Variants in RYR2 observed in about 807,000 individuals in gnomAD.
The protein encoded by RYR2 is cardiac muscle ryanodine receptor-calcium release channel.
In RYR2, 227 loss-of-function variants were observed where a neutral mutation model predicts 601.1. That is an observed-to-expected ratio of 0.38 (90% CI 0.34 to 0.42). The LOEUF (loss-of-function observed/expected upper bound fraction) is 0.42, where lower values mean the gene tolerates loss of function less well. RYR2 is among the 10% of genes least tolerant of loss of function. RYR2 has a pLI of 1.00. For synonymous variants in RYR2, 2,223 were observed against 2,175.1 expected, an observed-to-expected ratio of 1.02 and a Z score of -0.61; for missense variants, 4,646 against 6,156.5, an observed-to-expected ratio of 0.75 and a Z score of 8.21.
intron 1 of RYR2, among the ~76,000 whole-genome samples, chr1:237,155,117 A>G (rs959407299): frequency 6.6e-6 from 1 of 151,966 alleles, no homozygotes; most frequent in African/African-American, 2.4e-5. Context: ...GAAGTGAAAT[A>G]AATTAATACA....
intron 1 of RYR2, among the ~76,000 whole-genome samples, chr1:237,120,344 C>G (rs951985644): frequency 2.0e-5 from 3 of 152,284 alleles, no homozygotes; most frequent in African/African-American, 7.2e-5. Flanking sequence ...TGAATTCCAA[C>G]AATTCTGGAC....
At chr1:237,123,574 G>A (rs1671052370) in intron 1 of RYR2, among the ~76,000 whole-genome samples, 1 of 151,850 alleles carries the variant, frequency 6.6e-6, no homozygotes, top group Admixed American at 6.6e-5. Context: ...GTGACAGAGT[G>A]GGGCCCTCTC....
intron 75 of RYR2, 36 bp from the exon 76 acceptor site, chr1:237,727,051 G>A (rs772949102): frequency 1.5e-5 from 15 of 1,013,602 alleles, no homozygotes; most frequent in Middle Eastern, 2.0e-4. Context: ...AAGGTAGTTT[G>A]GGGTGTAAAT....
intron 25 of RYR2, among the ~76,000 whole-genome samples, chr1:237,536,826 C>A (rs1174144319): frequency 2.0e-5 from 3 of 150,822 alleles, no homozygotes; most frequent in Non-Finnish European, 4.4e-5. Context: ...GCGGAGCTTG[C>A]AGTGAGCCGA....
intron 1 of RYR2, among the ~76,000 whole-genome samples, chr1:237,244,895 C>CA (rs1686639479): frequency 6.6e-6 from 1 of 152,074 alleles, no homozygotes; most frequent in Non-Finnish European, 1.5e-5. Flanking sequence ...GTGTTTATTT[C>CA]CTAAAGTCCA....
chr1:237,566,617 C>T lies in RYR2; in HGVS notation c.3265C>T (p.Arg1089Cys), dbSNP rs879255350. 6.8e-6 allele frequency: 11 copies of T among 1,613,968 alleles called. No individual in the cohort carries two copies. Among genetic ancestry groups the T allele is most frequent in the Admixed American group, 1.7e-5 (1 of 60,020 alleles). The change falls in exon 28 of 105, where the codon CGT becomes TGT. Residue 1089 changes from arginine to cysteine, a missense_variant. Arg to Cys is a radical substitution (Grantham distance 180). Coordinates refer to ENST00000366574, the MANE Select transcript of RYR2 (RefSeq NM_001035.3). ...SGTGERFRIFRAEKTYAVKAG... is the reference protein window; with the variant it reads ...SGTGERFRIFCAEKTYAVKAG... ...CACCGGGGAAAGGTTCCGAATCTTCCGTGCCGAGAAGACCTATGCAGTGAA... is the reference window on the plus strand; with the variant it reads ...CACCGGGGAAAGGTTCCGAATCTTCTGTGCCGAGAAGACCTATGCAGTGAA...
At chr1:237,758,769 G>A (rs1693166871) in intron 82 of RYR2, among the ~76,000 whole-genome samples, 1 of 152,128 alleles carries the variant, frequency 6.6e-6, no homozygotes, top group African/African-American at 2.4e-5. Context: ...CTTTGAGCAT[G>A]CTTTCTATCA....
rs777133390 is a variant in RYR2, at chr1:237,631,418, C to G, written c.6441-9C>G. On this transcript the variant is annotated splice_polypyrimidine_tract_variant and intron_variant, in intron 41 of 104. Coordinates refer to ENST00000366574, the MANE Select transcript of RYR2 (RefSeq NM_001035.3). ...GAGCTTTACCCCATACGTCCATTGT[C>G]CTTTCTAGGGATATTATGAATAACA... 2.5e-6 allele frequency: 4 copies of G among 1,578,612 alleles called. No homozygotes were observed. The highest frequency in any genetic ancestry group is 3.3e-4 in the Middle Eastern group (2 of 5,974).
Position 237,127,592 on chromosome 1 carries a change from G to T in RYR2, c.48+85023G>T, listed in dbSNP as rs527546104. On this transcript the variant is annotated intron_variant, in intron 1 of 104. Transcript: ENST00000366574. ...CCCCCCCACCTCCCTCCCGGACGGG[G>T]TGGCTGCCGGGCGGAGACGCTCCTC... Among the ~76,000 whole-genome samples the T allele has an allele frequency of 3.2e-3, 491 of 151,964 alleles. 3 individuals carry two copies. The highest frequency in any genetic ancestry group is 0.01 in the African/African-American group (435 of 41,488).
At chr1:237,798,206 A>T (rs1225201600) in intron 97 of RYR2, 36 bp downstream of exon 97, 3 of 1,577,038 alleles carry the variant, frequency 1.9e-6, no homozygotes, top group Non-Finnish European at 2.6e-6. Context: ...ACAGACTTAG[A>T]TTGAAAGGGG....
At chr1:237,598,808 A>G (rs984079580) in intron 34 of RYR2, among the ~76,000 whole-genome samples, 4 of 152,186 alleles carry the variant, frequency 2.6e-5, no homozygotes, top group African/African-American at 9.6e-5. Context: ...AAAAATTGGA[A>G]CAATAACGAA....
chr1:237,523,709 C>T (rs1667308981), intron 24 of RYR2, among the ~76,000 whole-genome samples: 1 of 150,920 alleles, frequency 6.6e-6, no homozygotes, highest in Admixed American at 6.6e-5. Context: ...TGTCCTCCTG[C>T]CTGGGTGGCA....
chr1:237,378,635 A>G (rs1558714580), intron 8 of RYR2, among the ~76,000 whole-genome samples: 2 of 152,362 alleles, frequency 1.3e-5, no homozygotes, highest in African/African-American at 4.8e-5. Flanking sequence ...TACCACTACC[A>G]TAAATCAAAA....
At chr1:237,063,598 ATACACACT>A (rs1460296076) in intron 1 of RYR2, among the ~76,000 whole-genome samples, 2 of 146,594 alleles carry the variant, frequency 1.4e-5, no homozygotes, top group African/African-American at 5.5e-5. Context: ...ACACACACAC[ATACACACT>A]CTCTCTCTCT....
chr1:237,081,949 G>A lies in RYR2; in HGVS notation c.48+39380G>A, dbSNP rs116042816. On this transcript the variant is annotated intron_variant, in intron 1 of 104. Transcript: ENST00000366574. ...ACATCAGCACCTGTGCAAAGGGAAAGGCTAATTACTCCAAGATAACTGTGA... is the reference window on the plus strand; with the variant it reads ...ACATCAGCACCTGTGCAAAGGGAAAAGCTAATTACTCCAAGATAACTGTGA... Among the ~76,000 whole-genome samples, 1,140 of 152,268 alleles carry A rather than the reference G, an allele frequency of 7.5e-3. 13 individuals carry two copies. The highest frequency in any genetic ancestry group is 0.026 in the African/African-American group (1,064 of 41,532).
In RYR2 at chr1:237,380,539, C is replaced by T. The variant is rs1384392110; in HGVS notation, c.576+3104C>T. Among the ~76,000 whole-genome samples, 8 of 149,508 alleles carry T rather than the reference C, an allele frequency of 5.4e-5. No homozygotes were observed. The East Asian group carries it at 7.9e-4, about 15-fold the overall frequency. On this transcript the variant is annotated intron_variant, in intron 8 of 104. Transcript: ENST00000366574. ...AAGAACTTAACTCATAGGGGTGTTA[C>T]GGGATTAAATGCTGGAATCCAACAA...
intron 56 of RYR2, among the ~76,000 whole-genome samples, chr1:237,661,541 G>A (rs1683797478): frequency 6.6e-6 from 1 of 152,142 alleles, no homozygotes; most frequent in Non-Finnish European, 1.5e-5. Context: ...GTAAGGTCCT[G>A]AAGTTTTCCT....
chr1:237,354,156 T>C (rs1470433272), intron 3 of RYR2, among the ~76,000 whole-genome samples: 1 of 152,236 alleles, frequency 6.6e-6, no homozygotes, highest in Non-Finnish European at 1.5e-5. Context: ...GCTAAGCTTT[T>C]CTTTGGGTAT....
At chr1:237,120,211 A>G (rs999216196) in intron 1 of RYR2, among the ~76,000 whole-genome samples, 1 of 152,136 alleles carries the variant, frequency 6.6e-6, no homozygotes, top group Non-Finnish European at 1.5e-5. Flanking sequence ...GAGGTAATGT[A>G]TTGTTTATGT....
Sources: gnomAD v4.1 joint callset for allele counts (sites outside exome capture counted in the v4.1 genomes callset) on GRCh38, gnomAD v4.1.1 for gene constraint, MANE v1.5 for transcripts, NCBI Gene and HGNC (gene_info 2026-07-23, HGNC 2026-07-21) for gene names.